Variants in MBNL2 observed in about 807,000 individuals in gnomAD.
MBNL2 encodes the protein muscleblind-like protein 2.
A neutral mutation model predicts 41.9 loss-of-function variants in MBNL2; 17 were observed. That is an observed-to-expected ratio of 0.41 (90% CI 0.28 to 0.61). The LOEUF (loss-of-function observed/expected upper bound fraction) is 0.61. Ranked by LOEUF, MBNL2 falls within the 20% of genes least tolerant of loss-of-function variation. The pLI, the probability that MBNL2 is intolerant of heterozygous loss-of-function variation, is 0.35. For missense variants in MBNL2, 336 were observed against 505.6 expected, an observed-to-expected ratio of 0.66 and a Z score of 3.22; for synonymous variants, 195 against 182.9, an observed-to-expected ratio of 1.07 and a Z score of -0.53.
chr13:97,156,840 G>T, the MBNL2 span, among the ~76,000 whole-genome samples: 10 of 152,306 alleles, frequency 6.6e-5, no homozygotes, highest in African/African-American at 2.2e-4. Context: ...GATGCCTCCA[G>T]CTTTGTTCTT....
At chr13:97,153,438 A>G in the MBNL2 span, among the ~76,000 whole-genome samples, 1 of 152,150 alleles carries the variant, frequency 6.6e-6, no homozygotes, top group African/African-American at 2.4e-5. Flanking sequence ...ATTTAGGTAC[A>G]TGTAGATATA....
chr13:97,383,596 C>T (rs1442801909), intron 8 of MBNL2, among the ~76,000 whole-genome samples: 1 of 152,134 alleles, frequency 6.6e-6, no homozygotes, highest in Non-Finnish European at 1.5e-5. Context: ...AAACTTTCTA[C>T]TAAACAGCAG....
chr13:97,361,902 TGG>T (rs1371180678), intron 7 of MBNL2, among the ~76,000 whole-genome samples: 3 of 151,450 alleles, frequency 2.0e-5, no homozygotes, highest in Non-Finnish European at 4.4e-5. Flanking sequence ...TCCAAGTAGC[TGG>T]GGTTACAAGC....
At chr13:97,225,652 A>C (rs1361878861) in intron 1 of MBNL2, among the ~76,000 whole-genome samples, 1 of 152,172 alleles carries the variant, frequency 6.6e-6, no homozygotes, top group African/African-American at 2.4e-5. Flanking sequence ...AAAATCAACA[A>C]GCAAGAAAGC....
chr13:97,377,099 A>C (rs2065034003), intron 8 of MBNL2, among the ~76,000 whole-genome samples: 1 of 152,184 alleles, frequency 6.6e-6, no homozygotes, highest in Non-Finnish European at 1.5e-5. Flanking sequence ...CGTGCCAGAC[A>C]CTGGGTTAAG....
intron 7 of MBNL2, among the ~76,000 whole-genome samples, chr13:97,364,723 A>C (rs2063714436): frequency 6.6e-6 from 1 of 152,128 alleles, no homozygotes. Context: ...CTTCCCCTTG[A>C]CCCACACCAT....
At chr13:97,146,102 T>C in the MBNL2 span, among the ~76,000 whole-genome samples, 1 of 151,948 alleles carries the variant, frequency 6.6e-6, no homozygotes, top group Admixed American at 6.6e-5. Flanking sequence ...GCAATTATTC[T>C]GCCTCAGCCT....
intron 1 of MBNL2, among the ~76,000 whole-genome samples, chr13:97,233,363 C>T (rs1300367293): frequency 8.8e-6 from 1 of 113,646 alleles, no homozygotes; most frequent in Non-Finnish European, 1.7e-5. Context: ...TGTTCCCCTT[C>T]CTGTGTCCAA....
At chr13:97,166,705 C>T in the MBNL2 span, among the ~76,000 whole-genome samples, 1 of 151,996 alleles carries the variant, frequency 6.6e-6, no homozygotes, top group Non-Finnish European at 1.5e-5. Flanking sequence ...CAGACTGGCT[C>T]TCCTTGCTCC....
At chr13:97,233,126 C>CATATATAT (rs376967986) in intron 1 of MBNL2, among the ~76,000 whole-genome samples, 31 of 39,770 alleles carry the variant, frequency 7.8e-4, no homozygotes, top group Non-Finnish European at 1.2e-3. Context: ...GGCTCTTTTT[C>CATATATAT]ATATATATAT....
chr13:97,361,855 C>G (rs1040280184), intron 7 of MBNL2, among the ~76,000 whole-genome samples: 1 of 149,914 alleles, frequency 6.7e-6, no homozygotes, highest in Non-Finnish European at 1.5e-5. Flanking sequence ...CTGCAACCTC[C>G]GCCTCCCGGG....
At position 97,391,429 on chromosome 13, in the gene MBNL2, T is replaced by C. The variant is rs1466547005; in HGVS notation, c.1156T>C (p.Leu386=). 2.1e-6 allele frequency: 3 copies of C among 1,422,906 alleles called. No homozygotes were observed. The East Asian group carries it at 6.8e-5, about 32-fold the overall frequency. The allele number at this position is 1,422,906 out of a possible 1,614,324, so 88.1% of individuals were successfully genotyped here. The part of the protein sequence containing the change: ...TYYPVSSSIE[L]PQTAC Reference sequence around the variant, plus strand: ...CTATCCTGTTTCCTCCTCAATAGAATTGCCACAAACTGCATGCTAAATAAA... The same window carrying C: ...CTATCCTGTTTCCTCCTCAATAGAACTGCCACAAACTGCATGCTAAATAAA... Residue 386 remains leucine, a synonymous_variant, in exon 9 of 9, where the codon TTG becomes CTG. Transcript: ENST00000679496.
At chr13:97,165,774 G>A in the MBNL2 span, among the ~76,000 whole-genome samples, 1 of 152,132 alleles carries the variant, frequency 6.6e-6, no homozygotes, top group Admixed American at 6.5e-5. Context: ...ATATAGTTAT[G>A]CTTATTGAAA....
chr13:97,334,148 C>CCA lies in MBNL2; in HGVS notation c.175-101_175-100dup, dbSNP rs34820289. ...AACACATGAGCATGCGCGCGCACAC[C>CCA]CACACACACACACACACACACACAC... On this transcript the variant is annotated intron_variant, in intron 2 of 8. Transcript: ENST00000679496. This position sits in a 1 kb window ranked among gnomAD's most constrained non-coding sequence, Gnocchi z 5.3. 9.3e-3 allele frequency: 5,024 copies of CCA among 543,100 alleles called. 5 individuals carry two copies. The highest frequency in any genetic ancestry group is 0.013 in the Middle Eastern group (30 of 2,308). The allele number at this position is 543,100 out of a possible 1,614,324, so 33.6% of individuals were successfully genotyped here.
chr13:97,345,296 C>G (rs573121894), intron 4 of MBNL2, among the ~76,000 whole-genome samples: 1 of 152,082 alleles, frequency 6.6e-6, no homozygotes, highest in Non-Finnish European at 1.5e-5. Flanking sequence ...AAATAACTTA[C>G]GATTCTACTC....
At chr13:97,214,907 C>A in the MBNL2 span, among the ~76,000 whole-genome samples, 1 of 152,232 alleles carries the variant, frequency 6.6e-6, no homozygotes, top group East Asian at 1.9e-4. Flanking sequence ...ATGCTCATTG[C>A]TGCTTCCTCT....
chr13:97,292,200 CAAAAAAAAA>C (rs34473435), intron 2 of MBNL2, among the ~76,000 whole-genome samples: 13 of 69,504 alleles, frequency 1.9e-4, no homozygotes, highest in Non-Finnish European at 3.5e-4. Context: ...GACTCCATCT[CAAAAAAAAA>C]AAAAAAAAAA....
At chr13:97,386,666 AC>A (rs2065946232) in intron 8 of MBNL2, among the ~76,000 whole-genome samples, 2 of 152,214 alleles carry the variant, frequency 1.3e-5, no homozygotes, top group Non-Finnish European at 1.5e-5. Flanking sequence ...TAGAAAAATA[AC>A]CCATTTGATG....
chr13:97,342,827 C>T (rs1444487225), intron 3 of MBNL2, among the ~76,000 whole-genome samples, 189 bp from the exon 4 acceptor site: 1 of 152,082 alleles, frequency 6.6e-6, no homozygotes, highest in African/African-American at 2.4e-5. Context: ...ATGATGTTCT[C>T]TCATATTTCT....
Sources: allele counts gnomAD v4.1 joint callset (sites outside exome capture counted in the v4.1 genomes callset), GRCh38; gene constraint gnomAD v4.1.1; non-coding constraint Gnocchi (gnomAD v3.1); transcripts MANE v1.5; gene names NCBI Gene and HGNC (gene_info 2026-07-23, HGNC 2026-07-21).